Variants in MAFK observed in about 807,000 individuals in gnomAD.
MAFK encodes MAF bZIP transcription factor K, also known as transcription factor MafK.
In MAFK, 1 loss-of-function variant was observed where a neutral mutation model predicts 9.2. The observed-to-expected ratio is 0.11, with a 90% confidence interval of 0.04 to 0.52. MAFK has a LOEUF of 0.52. Ranked by LOEUF, MAFK falls within the 20% of genes least tolerant of loss-of-function variation. The pLI is 0.94. For missense variants in MAFK, 207 were observed against 236.0 expected (o/e 0.88, Z 0.81); for synonymous variants, 110 against 107.4 (o/e 1.02, Z -0.15).
At position 1,540,520 on chromosome 7, in the gene MAFK, A is replaced by G; in HGVS notation, c.*145A>G. 8.4e-6 allele frequency: 7 copies of G among 837,350 alleles called. 1 individual carries two copies. Among genetic ancestry groups the G allele is most frequent in the South Asian group, 5.4e-5 (3 of 55,162 alleles). The allele number at this position is 837,350 out of a possible 1,614,324, so 51.9% of individuals were successfully genotyped here. Reference sequence around the variant, plus strand: ...CGGGCGCAGGCAGCTCACACCAGGAAGAGACTGTATTGCAGGGTGAAGAGT... The same window carrying G: ...CGGGCGCAGGCAGCTCACACCAGGAGGAGACTGTATTGCAGGGTGAAGAGT... On this transcript the variant is annotated 3_prime_UTR_variant, in exon 3 of 3. Coordinates refer to ENST00000343242, the MANE Select transcript of MAFK (RefSeq NM_002360.4).
At chr7:1,537,220 C>T (rs1056347110) in intron 1 of MAFK, among the ~76,000 whole-genome samples, 6 of 152,266 alleles carry the variant, frequency 3.9e-5, no homozygotes, top group Non-Finnish European at 7.3e-5. Context: ...TCTGGCCAGA[C>T]GGTCCTGTCC....
At chr7:1,533,905 G>C (rs1783964009) in intron 1 of MAFK, among the ~76,000 whole-genome samples, 1 of 152,170 alleles carries the variant, frequency 6.6e-6, no homozygotes, top group Non-Finnish European at 1.5e-5. Flanking sequence ...GGAGCTGGAG[G>C]CCGAGGACAG....
At position 1,532,677 on chromosome 7, in the gene MAFK, C is replaced by T. The variant is rs1356173175; in HGVS notation, c.-45+1779C>T. 6.6e-6 allele frequency among the ~76,000 whole-genome samples: 1 copy of T among 152,190 alleles called. No individual in the cohort carries two copies. The highest frequency in any genetic ancestry group is 1.9e-4 in the East Asian group (1 of 5,192). On this transcript the variant is annotated intron_variant, in intron 1 of 2. Transcript: ENST00000343242. This position sits in a 1 kb window ranked among gnomAD's most constrained non-coding sequence, Gnocchi z 4.5. Reference sequence around the variant, plus strand: ...AGGGAGACCGTCTTCCGGGCCACTTCGCTGTCTACAAGGCGTGTGCTTTCA... The same window carrying T: ...AGGGAGACCGTCTTCCGGGCCACTTTGCTGTCTACAAGGCGTGTGCTTTCA...
intron 1 of MAFK, among the ~76,000 whole-genome samples, chr7:1,533,919 G>C (rs1365887201): frequency 6.6e-6 from 1 of 152,172 alleles, no homozygotes; most frequent in African/African-American, 2.4e-5. Flanking sequence ...AGGACAGGAG[G>C]ATGGTGTGGT....
chr7:1,538,455 G>C (rs1033025276), intron 1 of MAFK: 2 of 977,252 alleles, frequency 2.0e-6, no homozygotes, highest in Non-Finnish European at 1.2e-6. Flanking sequence ...GGCCAGGGCC[G>C]TGGTAGGTGT....
At position 1,539,175 on chromosome 7, in the gene MAFK, G is replaced by C. The variant is rs201828300; in HGVS notation, c.-18G>C. 1.2e-6 allele frequency: 2 copies of C among 1,613,140 alleles called. No homozygotes were observed. Among genetic ancestry groups the C allele is most frequent in the African/African-American group, 1.3e-5 (1 of 75,024 alleles). ...TACGAGTTCCAGGGAGCTCTGTCCT[G>C]GTGACCGTGCCCGGGTTATGACGAC... On this transcript the variant is annotated 5_prime_UTR_variant, in exon 2 of 3. Transcript: ENST00000343242.
chr7:1,538,229 T>C, intron 1 of MAFK: 1 of 977,840 alleles, frequency 1.0e-6, no homozygotes. Context: ...GATTAGAATG[T>C]GTGACACAAT....
At chr7:1,539,051 C>T in intron 1 of MAFK, 98 bp from the exon 2 acceptor site, 1 of 913,136 alleles carries the variant, frequency 1.1e-6, no homozygotes, top group Non-Finnish European at 1.8e-6. Context: ...GACTGTCCAC[C>T]CCGGGCTGAG....
intron 1 of MAFK, 71 bp from the exon 2 acceptor site, chr7:1,539,078 G>A: frequency 8.5e-7 from 1 of 1,183,412 alleles, no homozygotes; most frequent in Non-Finnish European, 1.3e-6. Context: ...CCCTGCATGG[G>A]AGGTGGGCAC....
chr7:1,539,053 C>T (rs955100099), intron 1 of MAFK, 96 bp from the exon 2 acceptor site: 14 of 927,406 alleles, frequency 1.5e-5, no homozygotes, highest in Middle Eastern at 2.2e-4. Flanking sequence ...CTGTCCACCC[C>T]GGGCTGAGAA....
At position 1,540,515 on chromosome 7, in the gene MAFK, C is replaced by T. The variant is rs1483298457; in HGVS notation, c.*140C>T. The stretch of plus-strand genomic sequence containing the variant: ...CCCCTCGGGCGCAGGCAGCTCACAC[C>T]AGGAAGAGACTGTATTGCAGGGTGA... On this transcript the variant is annotated 3_prime_UTR_variant, in exon 3 of 3. Coordinates refer to ENST00000343242, the MANE Select transcript of MAFK (RefSeq NM_002360.4). 2 of 844,116 alleles carry T rather than the reference C, an allele frequency of 2.4e-6. No individual in the cohort carries two copies. The highest frequency in any genetic ancestry group is 6.0e-5 in the Admixed American group (2 of 33,204). 52.3% of individuals were successfully genotyped at this position (844,116 alleles called of 1,614,324 possible). A position where few individuals can be genotyped will look rare whatever the true frequency, so the allele number is the denominator to read the frequency against.
intron 2 of MAFK, among the ~76,000 whole-genome samples, chr7:1,539,623 G>A (rs963437083): frequency 1.3e-4 from 20 of 152,358 alleles, no homozygotes; most frequent in African/African-American, 3.6e-4. Flanking sequence ...CCACAATGGC[G>A]TGTGCCTGTG....
At chr7:1,537,293 G>C (rs1367723080) in intron 1 of MAFK, 1 of 805,518 alleles carries the variant, frequency 1.2e-6, no homozygotes, top group African/African-American at 1.9e-5. Context: ...GGGGGCCCAG[G>C]AGCGGGTCCT....
Position 1,532,615 on chromosome 7 carries a change from G to GCGGC in MAFK, c.-45+1719_-45+1720insGCCG, listed in dbSNP as rs1198692894. 1.3e-5 allele frequency among the ~76,000 whole-genome samples: 2 copies of GCGGC among 152,218 alleles called. No homozygotes were observed. The highest frequency in any genetic ancestry group is 2.4e-5 in the African/African-American group (1 of 41,448). On this transcript the variant is annotated intron_variant, in intron 1 of 2. Coordinates refer to ENST00000343242, the MANE Select transcript of MAFK (RefSeq NM_002360.4). This position sits in a 1 kb window ranked among gnomAD's most constrained non-coding sequence, Gnocchi z 4.5. Reference sequence around the variant, plus strand: ...TTTACCGAGGGTCAGGGTTGTCGGGGCGCCAGCCTTTGTGTGCACCCGGGA... The same window carrying GCGGC: ...TTTACCGAGGGTCAGGGTTGTCGGGGCGGCCGCCAGCCTTTGTGTGCACCCGGGA...
At chr7:1,537,520 GC>G (rs2128551744) in intron 1 of MAFK, 9 of 985,466 alleles carry the variant, frequency 9.1e-6, no homozygotes, top group South Asian at 9.4e-5. Context: ...AGGCAGCTGG[GC>G]CCCAGCCTCT....
At chr7:1,539,325 T>C (rs1424780605) in intron 2 of MAFK, 97 bp downstream of exon 2, 1 of 982,420 alleles carries the variant, frequency 1.0e-6, no homozygotes, top group African/African-American at 1.7e-5. Context: ...CCTGAGCCTG[T>C]GATGGAGGCC....
chr7:1,538,491 C>T (rs1218719171), intron 1 of MAFK: 4 of 99,478 alleles, frequency 4.0e-5, no homozygotes, highest in East Asian at 3.1e-4. Flanking sequence ...GAGGGCGGGG[C>T]GGGAGGGCGG....
chr7:1,538,396 C>T, intron 1 of MAFK: 3 of 985,528 alleles, frequency 3.0e-6, no homozygotes, highest in Non-Finnish European at 3.6e-6. Context: ...GCCGCAGGGT[C>T]CTCGCTCGGG....
chr7:1,536,469 C>A (rs372625319), intron 1 of MAFK, among the ~76,000 whole-genome samples: 2 of 152,178 alleles, frequency 1.3e-5, no homozygotes, highest in Non-Finnish European at 1.5e-5. Flanking sequence ...GGCACGCTTT[C>A]CCCCTGGATG....
Sources: allele counts gnomAD v4.1 joint callset (sites outside exome capture counted in the v4.1 genomes callset), GRCh38; gene constraint gnomAD v4.1.1; non-coding constraint Gnocchi (gnomAD v3.1); transcripts MANE v1.5; gene names NCBI Gene and HGNC (gene_info 2026-07-23, HGNC 2026-07-21).